Variants in DNM3 observed in about 807,000 individuals in gnomAD.
DNM3 encodes dynamin 3.
In DNM3, 47 loss-of-function variants were observed where a neutral mutation model predicts 101.6. The ratio of observed to expected loss-of-function variants is 0.46; its 90% CI spans 0.37 to 0.59. DNM3 has a LOEUF of 0.59. Ranked by LOEUF, DNM3 falls within the 20% of genes least tolerant of loss-of-function variation. The pLI, the probability that DNM3 is intolerant of heterozygous loss-of-function variation, is 0.00. For missense variants in DNM3, 849 were observed against 1,085.7 expected (o/e 0.78, Z 3.06); for synonymous variants, 385 against 387.9 (o/e 0.99, Z 0.09).
At chr1:171,897,042 A>C (rs936973813) in intron 1 of DNM3, among the ~76,000 whole-genome samples, 1 of 151,580 alleles carries the variant, frequency 6.6e-6, no homozygotes, top group African/African-American at 2.4e-5. Context: ...TACATGAAAC[A>C]GGGTTATATT....
chr1:172,218,681 T>C (rs1351538664), intron 14 of DNM3, among the ~76,000 whole-genome samples: 2 of 152,138 alleles, frequency 1.3e-5, no homozygotes, highest in Non-Finnish European at 2.9e-5. Context: ...GATAAGGAAT[T>C]GTGGACTTGC....
At chr1:172,245,168 G>A (rs905597213) in intron 14 of DNM3, among the ~76,000 whole-genome samples, 2 of 152,166 alleles carry the variant, frequency 1.3e-5, no homozygotes, top group African/African-American at 4.8e-5. Flanking sequence ...TCAAAGAGTT[G>A]ATGGTTTGGT....
At chr1:172,387,515 C>T (rs1439789683) in intron 19 of DNM3, among the ~76,000 whole-genome samples, 156 bp downstream of exon 19, 1 of 151,976 alleles carries the variant, frequency 6.6e-6, no homozygotes, top group East Asian at 1.9e-4. Context: ...AAAAATTAGC[C>T]GGGCGTGGTG....
intron 15 of DNM3, among the ~76,000 whole-genome samples, chr1:172,306,668 G>A (rs1202452706): frequency 6.6e-6 from 1 of 152,124 alleles, no homozygotes; most frequent in Admixed American, 6.5e-5. Context: ...CATGGTACTG[G>A]TACCAAAACA....
At chr1:171,976,323 A>G (rs2044366816) in intron 2 of DNM3, among the ~76,000 whole-genome samples, 1 of 152,236 alleles carries the variant, frequency 6.6e-6, no homozygotes, top group South Asian at 2.1e-4. Flanking sequence ...GGTAATTTAT[A>G]AAAGAAAGAG....
At chr1:172,348,942 C>G (rs1335235051) in intron 17 of DNM3, among the ~76,000 whole-genome samples, 1 of 152,162 alleles carries the variant, frequency 6.6e-6, no homozygotes, top group Non-Finnish European at 1.5e-5. Flanking sequence ...TCCCACCTGA[C>G]CCATCGTCTT....
chr1:172,153,607 T>C (rs1002969856), intron 14 of DNM3, among the ~76,000 whole-genome samples: 31 of 150,660 alleles, frequency 2.1e-4, no homozygotes, highest in Admixed American at 1.7e-3. Context: ...CTCTGAGTAT[T>C]CCTCTTCTCT....
At chr1:172,308,263 A>G (rs1453038092) in intron 15 of DNM3, among the ~76,000 whole-genome samples, 1 of 152,156 alleles carries the variant, frequency 6.6e-6, no homozygotes, top group Non-Finnish European at 1.5e-5. Context: ...CCTTTTCACA[A>G]TTTAATGAGC....
chr1:171,918,354 T>C (rs1199729441), intron 1 of DNM3, among the ~76,000 whole-genome samples: 1 of 152,220 alleles, frequency 6.6e-6, no homozygotes, highest in Non-Finnish European at 1.5e-5. Context: ...ATTTTGCCCA[T>C]TCAGTGGTAG....
At chr1:172,059,203 A>G (rs1217658910) in intron 10 of DNM3, among the ~76,000 whole-genome samples, 4 of 148,516 alleles carry the variant, frequency 2.7e-5, no homozygotes, top group African/African-American at 7.5e-5. Context: ...GCAATAATCA[A>G]TAGCTTACCA....
chr1:172,327,844 T>C (rs2066002286), intron 17 of DNM3, among the ~76,000 whole-genome samples: 1 of 152,090 alleles, frequency 6.6e-6, no homozygotes, highest in African/African-American at 2.4e-5. Context: ...TCCATGTGAA[T>C]ATAAAAAAAA....
At chr1:171,861,394 A>G (rs946032446) in intron 1 of DNM3, among the ~76,000 whole-genome samples, 2 of 152,212 alleles carry the variant, frequency 1.3e-5, no homozygotes, top group Non-Finnish European at 2.9e-5. Context: ...TACACATACT[A>G]AATGAATGGA....
At chr1:172,359,403 T>C (rs1298842746) in intron 17 of DNM3, among the ~76,000 whole-genome samples, 1 of 152,004 alleles carries the variant, frequency 6.6e-6, no homozygotes, top group Non-Finnish European at 1.5e-5. Flanking sequence ...TAGTAAAATG[T>C]AGAGAATCAG....
At chr1:172,008,763 A>G (rs967144447) in intron 4 of DNM3, among the ~76,000 whole-genome samples, 4 of 141,502 alleles carry the variant, frequency 2.8e-5, no homozygotes, top group Non-Finnish European at 6.0e-5. Flanking sequence ...ATGTTTATGC[A>G]TATGTTATAG....
chr1:172,092,220 C>T (rs911648424), intron 12 of DNM3, among the ~76,000 whole-genome samples: 1 of 152,166 alleles, frequency 6.6e-6, no homozygotes, highest in Non-Finnish European at 1.5e-5. Context: ...ATATTTGGAT[C>T]TACATGGCAG....
intron 20 of DNM3, among the ~76,000 whole-genome samples, chr1:172,406,817 A>G (rs1358048577): frequency 1.3e-5 from 2 of 152,028 alleles, no homozygotes; most frequent in Non-Finnish European, 2.9e-5. Context: ...ATTTATGACT[A>G]TAATTCCAGA....
At chr1:172,333,402 A>G (rs2066275769) in intron 17 of DNM3, among the ~76,000 whole-genome samples, 1 of 152,198 alleles carries the variant, frequency 6.6e-6, no homozygotes, top group Non-Finnish European at 1.5e-5. Flanking sequence ...GTATAATTGC[A>G]TCGAAGCCGT....
chr1:171,993,654 C>T (rs2045797596), intron 4 of DNM3, among the ~76,000 whole-genome samples: 1 of 151,830 alleles, frequency 6.6e-6, no homozygotes, highest in Non-Finnish European at 1.5e-5. Flanking sequence ...ATTATTTCTT[C>T]AACTATTCTT....
At chr1:172,023,408 T>A (rs1019642697) in intron 4 of DNM3, among the ~76,000 whole-genome samples, 1 of 152,196 alleles carries the variant, frequency 6.6e-6, no homozygotes, top group Admixed American at 6.5e-5. Context: ...CTTTTCCTAC[T>A]GTCACGTTTA....
Sources: allele counts gnomAD v4.1 joint callset (sites outside exome capture counted in the v4.1 genomes callset), GRCh38; gene constraint gnomAD v4.1.1; transcripts MANE v1.5; gene names NCBI Gene and HGNC (gene_info 2026-07-23, HGNC 2026-07-21).